Variants in CASP9 observed in about 807,000 individuals in gnomAD.
The protein encoded by CASP9 is caspase-9.
Under a neutral mutation model 43.5 loss-of-function variants are expected in CASP9, and 29 were observed. The observed-to-expected ratio is 0.67, with a 90% confidence interval of 0.50 to 0.91. The LOEUF (loss-of-function observed/expected upper bound fraction) is 0.91. Among genes scored for constraint, CASP9 ranks in the 40% least tolerant of loss-of-function variants. CASP9 has a pLI of 0.00. For missense variants in CASP9, 575 were observed against 537.4 expected (o/e 1.07, Z -0.69); for synonymous variants, 206 against 211.9 (o/e 0.97, Z 0.24).
chr1:15,512,197 G>T (rs1488755694), intron 2 of CASP9, among the ~76,000 whole-genome samples: 2 of 152,172 alleles, frequency 1.3e-5, no homozygotes, highest in African/African-American at 4.8e-5. Context: ...TCCAACCCAG[G>T]CAAGGCATGA....
intron 2 of CASP9, among the ~76,000 whole-genome samples, chr1:15,510,034 G>A (rs931615493): frequency 3.3e-5 from 5 of 152,088 alleles, no homozygotes; most frequent in Admixed American, 2.6e-4. Flanking sequence ...GGGTTCAAGC[G>A]ATTCTCCTGC....
At chr1:15,518,083 C>T (rs1291575180) in intron 2 of CASP9, 27 bp downstream of exon 2, 2 of 1,610,286 alleles carry the variant, frequency 1.2e-6, no homozygotes, top group Admixed American at 1.7e-5. Flanking sequence ...GTCATGCCCA[C>T]CCACCAATCA....
intron 8 of CASP9, chr1:15,493,281 GCCCC>G: frequency 4.4e-6 from 6 of 1,361,588 alleles, no homozygotes; most frequent in Non-Finnish European, 5.7e-6. Flanking sequence ...GCCAGGAGTG[GCCCC>G]AGCCTCGCAG....
intron 1 of CASP9, among the ~76,000 whole-genome samples, chr1:15,520,224 T>C (rs1710127116): frequency 6.6e-6 from 1 of 152,172 alleles, no homozygotes; most frequent in Non-Finnish European, 1.5e-5. Flanking sequence ...TTGTCCTATT[T>C]AGTAACCATA....
chr1:15,524,513 G>A, upstream of CASP9: 1 of 411,006 alleles, frequency 2.4e-6, no homozygotes, highest in Non-Finnish European at 3.2e-6. Context: ...CCCGCCCCAC[G>A]TCACCGCCCC....
intron 6 of CASP9, among the ~76,000 whole-genome samples, chr1:15,497,471 C>T (rs761635929): frequency 4.0e-5 from 6 of 151,650 alleles, no homozygotes; most frequent in Admixed American, 6.6e-5. Flanking sequence ...GGTGAAACCC[C>T]GTCTCTACTA....
Position 15,491,408 on chromosome 1 carries a change from G to A in CASP9, c.*1535C>T. On this transcript the variant is annotated 3_prime_UTR_variant, in exon 9 of 9. Coordinates refer to ENST00000333868, the MANE Select transcript of CASP9 (RefSeq NM_001229.5). The stretch of plus-strand genomic sequence containing the variant: ...ACAACTATGCAAATCACATCTTGAT[G>A]AGGGTTTTATTATTATTATTAATTC... The A allele has an allele frequency of 6.8e-7, 1 of 1,480,050 alleles. No individual in the cohort carries two copies. The highest frequency in any genetic ancestry group is 9.4e-7 in the Non-Finnish European group (1 of 1,061,222). The allele number at this position is 1,480,050 out of a possible 1,614,324, so 91.7% of individuals were successfully genotyped here.
intron 2 of CASP9, among the ~76,000 whole-genome samples, chr1:15,510,332 C>A (rs928411376): frequency 1.3e-5 from 2 of 152,216 alleles, no homozygotes; most frequent in African/African-American, 4.8e-5. Context: ...TTGCTTAGAA[C>A]AGGTCTGAAC....
intron 2 of CASP9, among the ~76,000 whole-genome samples, chr1:15,516,316 C>G (rs1709946203): frequency 6.6e-6 from 1 of 151,226 alleles, no homozygotes; most frequent in African/African-American, 2.4e-5. Context: ...ATGGTGAGAC[C>G]CTGTCTCTAC....
rs1355550048 is a variant in CASP9, at chr1:15,493,110, G to T, written c.1159-75C>A. On this transcript the variant is annotated intron_variant, in intron 8 of 8. Transcript: ENST00000333868. The stretch of plus-strand genomic sequence containing the variant: ...AAGGAAGAATTCAAGAGGGGCTGGG[G>T]GGAATGTCCACTCAACCCGCACCTT... 5 of 1,597,622 alleles carry T rather than the reference G, an allele frequency of 3.1e-6. No individual in the cohort carries two copies. The African/African-American group carries it at 5.4e-5, about 17-fold the overall frequency.
At chr1:15,493,464 AC>A (rs765956762) in intron 8 of CASP9, 50 of 1,268,860 alleles carry the variant, frequency 3.9e-5, no homozygotes, top group Non-Finnish European at 4.9e-5. Context: ...CTGTTTCCTC[AC>A]TGGGGCCTCC....
At chr1:15,521,565 G>A (rs1477114187) in intron 1 of CASP9, among the ~76,000 whole-genome samples, 1 of 152,178 alleles carries the variant, frequency 6.6e-6, no homozygotes, top group African/African-American at 2.4e-5. Context: ...GCTGACATAT[G>A]CTGCCTTCTC....
Position 15,493,934 on chromosome 1 carries a change from C to A in CASP9, c.1116G>T (p.Glu372Asp), listed in dbSNP as rs1389975332. 8 of 1,604,518 alleles carry A rather than the reference C, an allele frequency of 5.0e-6. No individual in the cohort carries two copies. Among genetic ancestry groups the A allele is most frequent in the Non-Finnish European group, 6.8e-6 (8 of 1,175,036 alleles). The part of the protein sequence containing the change: ...WYVETLDDIF[E>D]QWAHSEDLQS... ...GCAGGTCTTCAGAGTGAGCCCACTG[C>A]TCAAAGATGTCGTCCAGGGTCTCAA... The change falls in exon 8 of 9, where the codon GAG becomes GAT. Residue 372 changes from glutamate (E) to aspartate (D), a missense_variant. Transcript: ENST00000333868.
chr1:15,506,381 G>A lies in CASP9; in HGVS notation c.631-302C>T, dbSNP rs4646041. 8.6e-3 allele frequency among the ~76,000 whole-genome samples: 1,307 copies of A among 152,150 alleles called. 5 individuals carry two copies. The highest frequency in any genetic ancestry group is 0.012 in the Non-Finnish European group (808 of 67,972). Reference sequence around the variant, plus strand: ...TGAGGCAGGAGAATTGCTTGAACCTGGGAGGTGGAGGTTGCAGTGAGCCGA... The same window carrying A: ...TGAGGCAGGAGAATTGCTTGAACCTAGGAGGTGGAGGTTGCAGTGAGCCGA... On this transcript the variant is annotated intron_variant, in intron 4 of 8. Coordinates refer to ENST00000333868, the MANE Select transcript of CASP9 (RefSeq NM_001229.5).
chr1:15,497,654 A>ATC (rs201057422), intron 6 of CASP9, among the ~76,000 whole-genome samples: 1 of 149,722 alleles, frequency 6.7e-6, no homozygotes, highest in African/African-American at 2.5e-5. Flanking sequence ...GAAAAAAAAA[A>ATC]AAAAGATATA....
chr1:15,515,033 A>G (rs767986697), intron 2 of CASP9, among the ~76,000 whole-genome samples: 16 of 152,292 alleles, frequency 1.1e-4, no homozygotes, highest in Non-Finnish European at 2.1e-4. Flanking sequence ...AGTAAAAAAA[A>G]TTAAGTGATC....
intron 2 of CASP9, among the ~76,000 whole-genome samples, chr1:15,513,526 C>T (rs756307392): frequency 6.6e-6 from 1 of 152,132 alleles, no homozygotes; most frequent in Non-Finnish European, 1.5e-5. Flanking sequence ...TGGTGGGTCC[C>T]CTAATGATGC....
chr1:15,500,878 G>A (rs1483113711), intron 6 of CASP9, among the ~76,000 whole-genome samples: 3 of 130,722 alleles, frequency 2.3e-5, no homozygotes, highest in Non-Finnish European at 4.9e-5. Context: ...GCAGATCAGA[G>A]CAGGGGGTGT....
intron 7 of CASP9, 146 bp from the exon 8 acceptor site, chr1:15,494,147 C>T: frequency 1.1e-6 from 1 of 911,654 alleles, no homozygotes; most frequent in Non-Finnish European, 1.6e-6. Context: ...GCCCCTGAGG[C>T]TCTGCCCTAA....
Sources: gnomAD v4.1 joint callset for allele counts (sites outside exome capture counted in the v4.1 genomes callset) on GRCh38, gnomAD v4.1.1 for gene constraint, MANE v1.5 for transcripts, NCBI Gene and HGNC (gene_info 2026-07-23, HGNC 2026-07-21) for gene names.